The following TOR1AIP1 variants were observed in gnomAD, a reference collection of about 807,000 sequenced individuals.
TOR1AIP1 encodes torsin-1A-interacting protein 1.
A neutral mutation model predicts 63.3 loss-of-function variants in TOR1AIP1; 54 were observed. The observed-to-expected ratio is 0.85, with a 90% CI of 0.69 to 1.07. The LOEUF (loss-of-function observed/expected upper bound fraction) is 1.07, where lower values mean the gene tolerates loss of function less well. Ranked by LOEUF, TOR1AIP1 falls within the 50% of genes least tolerant of loss-of-function variation. TOR1AIP1 has a pLI of 0.00. For synonymous variants in TOR1AIP1, 294 were observed against 273.5 expected, an observed-to-expected ratio of 1.07 and a Z score of -0.74; for missense variants, 736 against 715.0, an observed-to-expected ratio of 1.03 and a Z score of -0.33.
chr1:179,907,593 T>TTATATATATGTATA (rs1648679963), intron 6 of TOR1AIP1, among the ~76,000 whole-genome samples: 1 of 63,268 alleles, frequency 1.6e-5, no homozygotes, highest in African/African-American at 5.0e-5. Flanking sequence ...CACACACACT[T>TTATATATATGTATA]TATATATATA....
intron 6 of TOR1AIP1, among the ~76,000 whole-genome samples, chr1:179,906,657 T>A (rs183884721): frequency 2.0e-5 from 3 of 152,042 alleles, no homozygotes; most frequent in Admixed American, 6.6e-5. Flanking sequence ...TGGTATATGA[T>A]ATGGACTGCC....
chr1:179,883,767 G>A (rs575431393), intron 1 of TOR1AIP1: 239 of 450,122 alleles, frequency 5.3e-4, no homozygotes, highest in Non-Finnish European at 1.0e-3. Context: ...CAAAGTGAGT[G>A]TATAGTGTTA....
intron 5 of TOR1AIP1, among the ~76,000 whole-genome samples, chr1:179,902,176 C>G (rs1648490024): frequency 6.6e-6 from 1 of 151,354 alleles, no homozygotes; most frequent in Admixed American, 6.6e-5. Context: ...CAGGTGCGCA[C>G]CACCACATCT....
At chr1:179,886,373 T>A (rs1647907823) in intron 2 of TOR1AIP1, among the ~76,000 whole-genome samples, 1 of 152,200 alleles carries the variant, frequency 6.6e-6, no homozygotes, top group South Asian at 2.1e-4. Flanking sequence ...ATTTAAGAAC[T>A]GCTAATGAGG....
At position 179,882,540 on chromosome 1, in the gene TOR1AIP1, A is replaced by T. The variant is rs768829514; in HGVS notation, c.38A>T (p.Glu13Val). ...GGGCGGCGGGCAGAGGCGGTGCGGGAAGGATGGGGTGTGTACGTCACCCCC... is the reference window on the plus strand; with the variant it reads ...GGGCGGCGGGCAGAGGCGGTGCGGGTAGGATGGGGTGTGTACGTCACCCCC... The part of the protein sequence containing the change: ...GDGRRAEAVR[E>V]GWGVYVTPRA... The change falls in exon 1 of 10, where the codon GAA (glutamate) becomes GTA (valine). Residue 13 changes from glutamate to valine, a missense_variant. Around this residue, in one of 2 missense-constraint regions of TOR1AIP1, gnomAD observed 464 missense variants for 371.0 expected, o/e 1.25. Transcript: ENST00000606911. The T allele has an allele frequency of 6.8e-7, 1 of 1,475,598 alleles. No homozygotes were observed. The highest frequency in any genetic ancestry group is 9.0e-7 in the Non-Finnish European group (1 of 1,115,070). The allele number at this position is 1,475,598 out of a possible 1,614,324, so 91.4% of individuals were successfully genotyped here.
At chr1:179,888,800 A>G (rs1300892968) in intron 2 of TOR1AIP1, among the ~76,000 whole-genome samples, 3 of 152,350 alleles carry the variant, frequency 2.0e-5, no homozygotes, top group East Asian at 1.9e-4. Context: ...CCATTGAACT[A>G]TAGATGGTCT....
In TOR1AIP1 at chr1:179,882,761, C is replaced by A. The variant is rs1471197492; in HGVS notation, c.259C>A (p.Leu87Ile). The A allele has an allele frequency of 1.9e-6, 3 of 1,614,072 alleles. No individual in the cohort carries two copies. The highest frequency in any genetic ancestry group is 2.5e-6 in the Non-Finnish European group (3 of 1,180,052). Residue 87 changes from leucine (L) to isoleucine (I), a missense_variant, in exon 1 of 10, where the codon CTA becomes ATA. Around this residue, in one of 2 missense-constraint regions of TOR1AIP1, gnomAD observed 464 missense variants for 371.0 expected, o/e 1.25. Coordinates refer to ENST00000606911, the MANE Select transcript of TOR1AIP1 (RefSeq NM_015602.4). Reference protein sequence around the residue: ...ERSPVGKRTRLEEFRSDSAKE... With the variant: ...ERSPVGKRTRIEEFRSDSAKE... ...GTCCCCGGTGGGAAAACGAACCCGG[C>A]TAGAAGAGTTCCGGTCCGATTCTGC...
At chr1:179,901,164 T>C (rs1648453268) in intron 4 of TOR1AIP1, 138 bp from the exon 5 acceptor site, 1 of 479,810 alleles carries the variant, frequency 2.1e-6, no homozygotes. Context: ...ATAATAAGCA[T>C]GATAAACAAA....
intron 5 of TOR1AIP1, among the ~76,000 whole-genome samples, chr1:179,903,338 A>G (rs189110667): frequency 4.2e-4 from 64 of 152,236 alleles, no homozygotes; most frequent in African/African-American, 1.4e-3. Context: ...TAAAGCAAAA[A>G]TGGATATTAA....
chr1:179,904,442 T>C (rs1386269952), intron 6 of TOR1AIP1, among the ~76,000 whole-genome samples: 6 of 152,196 alleles, frequency 3.9e-5, no homozygotes, highest in Admixed American at 3.9e-4. Flanking sequence ...ATAAAGCACA[T>C]GTAATAAAAA....
At chr1:179,894,646 A>G (rs976154861) in intron 3 of TOR1AIP1, among the ~76,000 whole-genome samples, 1 of 152,156 alleles carries the variant, frequency 6.6e-6, no homozygotes, top group East Asian at 1.9e-4. Flanking sequence ...AGATCGTGCC[A>G]TCGCACTCCA....
chr1:179,893,507 C>T (rs1431781129), intron 3 of TOR1AIP1, among the ~76,000 whole-genome samples: 1 of 152,066 alleles, frequency 6.6e-6, no homozygotes, highest in Non-Finnish European at 1.5e-5. Context: ...GTGGTGCGAT[C>T]TCAGCTCACT....
Position 179,892,057 on chromosome 1 carries a change from A to G in TOR1AIP1, c.610+2688A>G, listed in dbSNP as rs942784419. ...TTAGACTTAGTTTTTTTTACATTTT[A>G]ATTATTTTCTAAATTTGAAGATGAG... On this transcript the variant is annotated intron_variant, in intron 3 of 9. Coordinates refer to ENST00000606911, the MANE Select transcript of TOR1AIP1 (RefSeq NM_015602.4). Among the ~76,000 whole-genome samples the G allele has an allele frequency of 3.9e-5, 6 of 152,276 alleles. No homozygotes were observed. In the South Asian group the frequency reaches 1.2e-3, roughly 32 times the overall value.
In TOR1AIP1 at chr1:179,918,564, A is replaced by C. The variant is rs1465734138; in HGVS notation, c.*325A>C. On this transcript the variant is annotated 3_prime_UTR_variant, in exon 10 of 10. Coordinates refer to ENST00000606911, the MANE Select transcript of TOR1AIP1 (RefSeq NM_015602.4). The stretch of plus-strand genomic sequence containing the variant: ...GTGAGAGGGATTTGTGTCCTTTCTT[A>C]TGAACCTTCCTGATTTTTTAACTTA... 9.9e-6 allele frequency: 2 copies of C among 202,974 alleles called. No individual in the cohort carries two copies. Among genetic ancestry groups the C allele is most frequent in the African/African-American group, 2.3e-5 (1 of 42,912 alleles). 12.6% of individuals were successfully genotyped at this position (202,974 alleles called of 1,614,324 possible).
At chr1:179,887,043 C>T (rs1428790199) in intron 2 of TOR1AIP1, among the ~76,000 whole-genome samples, 2 of 152,134 alleles carry the variant, frequency 1.3e-5, no homozygotes, top group Admixed American at 6.6e-5. Flanking sequence ...CAAAATAGTG[C>T]TATAATTGTA....
chr1:179,907,911 C>CTTTTT, intron 7 of TOR1AIP1, 47 bp downstream of exon 7: 2 of 636,576 alleles, frequency 3.1e-6, no homozygotes, highest in East Asian at 3.7e-5. Context: ...CAATTCTTTT[C>CTTTTT]TCTTTTTTTT....
rs767460092 is a variant in TOR1AIP1 at position 179,897,702 on chromosome 1, A to T, written c.611-2424A>T. On this transcript the variant is annotated intron_variant, in intron 3 of 9. Coordinates refer to ENST00000606911, the MANE Select transcript of TOR1AIP1 (RefSeq NM_015602.4). Reference sequence around the variant, plus strand: ...AACATAACACTGAAATATAAATGGGACCTTAGTAAAGCCTACTGTATTACA... The same window carrying T: ...AACATAACACTGAAATATAAATGGGTCCTTAGTAAAGCCTACTGTATTACA... 6.6e-5 allele frequency among the ~76,000 whole-genome samples: 10 copies of T among 152,300 alleles called. No individual in the cohort carries two copies. In the South Asian group the frequency reaches 1.9e-3, roughly 28 times the overall value.
At chr1:179,904,043 A>G (rs767623049) in intron 6 of TOR1AIP1, 21 bp downstream of exon 6, 7 of 1,578,428 alleles carry the variant, frequency 4.4e-6, no homozygotes, top group African/African-American at 1.4e-5. Flanking sequence ...CTGTGTTTAC[A>G]GTGTCTTCCT....
chr1:179,886,574 A>G (rs1418217364), intron 2 of TOR1AIP1, among the ~76,000 whole-genome samples: 10 of 152,084 alleles, frequency 6.6e-5, no homozygotes, highest in East Asian at 3.9e-4. Context: ...TTTTTTTCTC[A>G]TAGCCCTTTA....
Sources: gnomAD v4.1 joint callset for allele counts (sites outside exome capture counted in the v4.1 genomes callset) on GRCh38, gnomAD v4.1.1 for gene constraint, gnomAD v4.1.1 regional missense constraint, MANE v1.5 for transcripts, NCBI Gene and HGNC (gene_info 2026-07-23, HGNC 2026-07-21) for gene names.